The following C16orf96 variants were observed in gnomAD, a reference collection of about 807,000 sequenced individuals.
The protein encoded by C16orf96 is uncharacterized protein C16orf96.
In C16orf96, 108 loss-of-function variants were observed where a neutral mutation model predicts 103.6. That is an observed-to-expected ratio of 1.04 (90% CI 0.89 to 1.22). The LOEUF is 1.22. Ranked by LOEUF, C16orf96 falls within the 50% of genes most tolerant of loss-of-function variation. C16orf96 has a pLI of 0.00. For missense variants in C16orf96, 1,586 were observed against 1,464.2 expected, an observed-to-expected ratio of 1.08 and a Z score of -1.36; for synonymous variants, 566 against 593.5, an observed-to-expected ratio of 0.95 and a Z score of 0.67.
Position 4,556,915 on chromosome 16 carries a change from C to T in C16orf96, c.420+6C>T, listed in dbSNP as rs1488818807. 2 of 1,531,010 alleles carry T rather than the reference C, an allele frequency of 1.3e-6. No homozygotes were observed. Among genetic ancestry groups the T allele is most frequent in the Admixed American group, 2.0e-5 (1 of 49,074 alleles). 94.8% of individuals were successfully genotyped at this position (1,531,010 alleles called of 1,614,324 possible). A position where few individuals can be genotyped will look rare whatever the true frequency, so the allele number is the denominator to read the frequency against. On this transcript the variant is annotated splice_donor_region_variant and intron_variant, in intron 1 of 15. Transcript: ENST00000444310. ...ATGATGAAGTCATGGCCAAGGTACG[C>T]CCCCAGCCTCCAGACACTTCTTTTC...
chr16:4,568,615 T>C (rs1208078427), intron 1 of C16orf96, among the ~76,000 whole-genome samples: 4 of 144,864 alleles, frequency 2.8e-5, no homozygotes, highest in Non-Finnish European at 6.0e-5. Context: ...TTTTTTCTTT[T>C]TCTTTTCTTT....
At chr16:4,592,273 G>C in intron 10 of C16orf96, 32 bp from the exon 11 acceptor site, 1 of 1,551,206 alleles carries the variant, frequency 6.4e-7, no homozygotes, top group Non-Finnish European at 8.7e-7. Flanking sequence ...GGGCCCAGCA[G>C]GGGCAGCGGC....
At chr16:4,555,668 G>GCCTT (rs1392862008), upstream of C16orf96, among the ~76,000 whole-genome samples, 4 of 150,158 alleles carry the variant, frequency 2.7e-5, no homozygotes, top group Non-Finnish European at 4.4e-5. Flanking sequence ...ACTGTGCCCG[G>GCCTT]CCTTTTCTCT....
intron 2 of C16orf96, among the ~76,000 whole-genome samples, chr16:4,573,247 G>A (rs1596523058): frequency 6.6e-6 from 1 of 151,738 alleles, no homozygotes. Context: ...AGACCAGCCT[G>A]GCCAACATGG....
In C16orf96 at chr16:4,575,005, A is replaced by G; in HGVS notation, c.640A>G (p.Lys214Glu). 6.4e-7 allele frequency: 1 copy of G among 1,551,518 alleles called. No individual in the cohort carries two copies. Among genetic ancestry groups the G allele is most frequent in the Non-Finnish European group, 8.7e-7 (1 of 1,147,002 alleles). The change falls in exon 4 of 16, where the codon AAA (lysine) becomes GAA (glutamate). Residue 214 changes from lysine to glutamate, a missense_variant. Lys to Glu is a moderately conservative substitution (Grantham distance 56, BLOSUM62 1). Coordinates refer to ENST00000444310, the MANE Select transcript of C16orf96 (RefSeq NM_001145011.2). ...SLQNKFKTIP[K>E]TEDMVLWSGL... ...CCAGAATAAGTTTAAAACCATCCCC[A>G]AAACCGAGGACATGGTGCTCTGGAG...
At position 4,591,830 on chromosome 16, in the gene C16orf96, G is replaced by C. The variant is rs367723693; in HGVS notation, c.2711+46G>C. The C allele has an allele frequency of 3.3e-4, 471 of 1,408,076 alleles. 2 individuals are homozygous for C. The African/African-American group carries it at 6.2e-3, about 19-fold the overall frequency. 87.2% of individuals were successfully genotyped at this position (1,408,076 alleles called of 1,614,324 possible). ...CTCCTGGTAGGGGTCCTGCTGCCCA[G>C]GCTGTGGGGAACACACCCTGGAAGC... is the stretch of plus-strand genomic sequence containing the variant. On this transcript the variant is annotated intron_variant, in intron 10 of 15. Coordinates refer to ENST00000444310, the MANE Select transcript of C16orf96 (RefSeq NM_001145011.2).
rs1897104116 is a variant in C16orf96 at position 4,593,366 on chromosome 16, T to C, written c.2867+50T>C. 1 of 1,493,206 alleles carries C rather than the reference T, an allele frequency of 6.7e-7. No homozygotes were observed. Among genetic ancestry groups the C allele is most frequent in the Non-Finnish European group, 9.1e-7 (1 of 1,099,886 alleles). 92.5% of individuals were successfully genotyped at this position (1,493,206 alleles called of 1,614,324 possible). On this transcript the variant is annotated intron_variant, in intron 12 of 15. Coordinates refer to ENST00000444310, the MANE Select transcript of C16orf96 (RefSeq NM_001145011.2). This position sits in a 1 kb window ranked among gnomAD's most constrained non-coding sequence, Gnocchi z 4.2. ...GGAGGCCGCCCCGCATGGAGGCCAC[T>C]CTGGAGCCTGGGAACCCTGTTCCTG...
the C16orf96 span, among the ~76,000 whole-genome samples, chr16:4,549,281 A>T: frequency 3.0e-3 from 451 of 151,974 alleles, 4 homozygotes; most frequent in Non-Finnish European, 4.2e-3. Flanking sequence ...AAGACCATCC[A>T]GGCTAACACG....
At chr16:4,547,659 TC>T in the C16orf96 span, among the ~76,000 whole-genome samples, 1 of 111,608 alleles carries the variant, frequency 9.0e-6, no homozygotes, top group Non-Finnish European at 1.8e-5. Flanking sequence ...TTTCCTTCCT[TC>T]CTTCCTTCCT....
intron 15 of C16orf96, among the ~76,000 whole-genome samples, chr16:4,599,861 C>G (rs1897247719): frequency 6.6e-6 from 1 of 152,202 alleles, no homozygotes; most frequent in African/African-American, 2.4e-5. Flanking sequence ...TTCATGTTCT[C>G]TCCCGGGGGC....
chr16:4,549,045 G>C, the C16orf96 span, among the ~76,000 whole-genome samples: 1 of 152,036 alleles, frequency 6.6e-6, no homozygotes, highest in East Asian at 1.9e-4. Context: ...ATCTCTCTTA[G>C]TTTAGTTCTT....
chr16:4,590,612 C>T (rs528870132), intron 9 of C16orf96, among the ~76,000 whole-genome samples: 2 of 151,766 alleles, frequency 1.3e-5, no homozygotes, highest in African/African-American at 4.8e-5. Flanking sequence ...AGGCCAGGTG[C>T]GGTGGCTCAC....
the C16orf96 span, among the ~76,000 whole-genome samples, chr16:4,545,910 C>T: frequency 4.6e-5 from 7 of 151,966 alleles, no homozygotes; most frequent in African/African-American, 9.7e-5. Context: ...AGTGCAATGG[C>T]GCGATCTCAG....
At chr16:4,582,837 T>C (rs927970124) in intron 7 of C16orf96, among the ~76,000 whole-genome samples, 2 of 152,138 alleles carry the variant, frequency 1.3e-5, no homozygotes, top group African/African-American at 4.8e-5. Context: ...TTGTCACTTA[T>C]TAGAAAGACT....
intron 2 of C16orf96, among the ~76,000 whole-genome samples, chr16:4,573,615 G>A (rs1479540705): frequency 6.6e-6 from 1 of 150,870 alleles, no homozygotes; most frequent in Non-Finnish European, 1.5e-5. Flanking sequence ...AGCTGGATGT[G>A]GTGGCAGGTA....
rs1288854078 is a variant in C16orf96 at position 4,588,218 on chromosome 16, A to T, written c.2479A>T (p.Thr827Ser). 15 of 1,551,560 alleles carry T rather than the reference A, an allele frequency of 9.7e-6. No homozygotes were observed. The highest frequency in any genetic ancestry group is 1.3e-5 in the Non-Finnish European group (15 of 1,146,996). Residue 827 changes from threonine (T) to serine (S), a missense_variant, in exon 9 of 16, where the codon ACT becomes TCT. By Grantham distance (58) the Thr-to-Ser change is moderately conservative. Coordinates refer to ENST00000444310, the MANE Select transcript of C16orf96 (RefSeq NM_001145011.2). ...AGKASRVDLE[T>S]VALELNEMIQ... is the part of the protein sequence containing the mutation. The stretch of plus-strand genomic sequence containing the variant: ...CAAGGCAAGCCGCGTTGACCTGGAG[A>T]CTGTGGCCTTGGAGCTGAACGAGAT...
intron 1 of C16orf96, among the ~76,000 whole-genome samples, chr16:4,570,463 CTTTT>C (rs59843201): frequency 3.3e-5 from 3 of 91,492 alleles, no homozygotes; most frequent in Admixed American, 1.2e-4. Context: ...TCACAACACG[CTTTT>C]TTTTTTTTTT....
At position 4,600,095 on chromosome 16, in the gene C16orf96, C is replaced by T. The variant is rs529439720; in HGVS notation, c.3209-5C>T. 3.2e-6 allele frequency: 5 copies of T among 1,550,984 alleles called. No homozygotes were observed. The South Asian group carries it at 5.9e-5, about 18-fold the overall frequency. On this transcript the variant is annotated splice_polypyrimidine_tract_variant and splice_region_variant and intron_variant, in intron 15 of 15. Transcript: ENST00000444310. ...ACATCTAGGGTTTCTCCTGCCCCTC[C>T]CCAGCCCTGTGCCCCCGCTCCAGTG...
At chr16:4,578,512 C>T (rs1160673688) in intron 5 of C16orf96, among the ~76,000 whole-genome samples, 2 of 152,032 alleles carry the variant, frequency 1.3e-5, no homozygotes, top group East Asian at 3.9e-4. Context: ...GTACTCCCAG[C>T]ACTTTGGGAG....
Sources: allele counts gnomAD v4.1 joint callset (sites outside exome capture counted in the v4.1 genomes callset), GRCh38; gene constraint gnomAD v4.1.1; non-coding constraint Gnocchi (gnomAD v3.1); transcripts MANE v1.5; gene names NCBI Gene and HGNC (gene_info 2026-07-23, HGNC 2026-07-21).